Variants in INSL6 observed in about 807,000 individuals in gnomAD.
INSL6 encodes the protein insulin like 6, also known as insulin-like peptide INSL6.
INSL6 carries 16 observed loss-of-function variants against 9.4 expected under a neutral mutation model. The observed-to-expected ratio is 1.70, with a 90% CI of 1.15 to 2.59. INSL6 has a LOEUF of 2.59. INSL6 is among the 30% of genes most tolerant of loss of function. INSL6 has a pLI of 0.00. For missense variants in INSL6, 391 were observed against 257.3 expected (o/e 1.52, Z -3.56); for synonymous variants, 154 against 96.9 (o/e 1.59, Z -3.46).
At chr9:5,040,353 T>A in the INSL6 span, among the ~76,000 whole-genome samples, 1 of 151,538 alleles carries the variant, frequency 6.6e-6, no homozygotes, top group East Asian at 1.9e-4. Context: ...TTATTAAAAC[T>A]CCAAGAAGAA....
the INSL6 span, among the ~76,000 whole-genome samples, chr9:5,016,306 A>G: frequency 2.6e-5 from 4 of 152,182 alleles, no homozygotes; most frequent in East Asian, 7.7e-4. Context: ...ACCTGCTGTT[A>G]TAAGACCTGG....
chr9:5,164,210 C>T lies in INSL6; in HGVS notation c.345G>A (p.Glu115=), dbSNP rs566868714. 2.5e-6 allele frequency: 4 copies of T among 1,607,646 alleles called. No homozygotes were observed. Among genetic ancestry groups the T allele is most frequent in the Non-Finnish European group, 2.5e-6 (3 of 1,177,876 alleles). The change falls in exon 2 of 2, where the codon GAG becomes GAA. Residue 115 remains glutamate, a synonymous_variant. Transcript: ENST00000381641. ...GTGAATATCCCTTTTTATCCTTATA[C>T]TCAGGTAGTGACTGCATTTCCCAAC... ...VNSWEMQSLP[E]YKDKKGYSPL...
intron 2 of INSL6, among the ~76,000 whole-genome samples, chr9:5,155,791 G>C (rs918605825): frequency 6.6e-6 from 1 of 151,662 alleles, no homozygotes; most frequent in African/African-American, 2.4e-5. Flanking sequence ...ATAGGGGAGG[G>C]ATTGCATTAG....
chr9:5,023,369 G>A, the INSL6 span, among the ~76,000 whole-genome samples: 702 of 152,202 alleles, frequency 4.6e-3, 6 homozygotes, highest in African/African-American at 0.016. Flanking sequence ...TGGGCCCCAG[G>A]GGAGTACGCA....
chr9:5,084,923 GCAAA>G, the INSL6 span: 2 of 540,866 alleles, frequency 3.7e-6, no homozygotes, highest in South Asian at 1.6e-5. Flanking sequence ...TGCACATGAA[GCAAA>G]CAAAGTGTAT....
chr9:5,016,726 T>C, the INSL6 span, among the ~76,000 whole-genome samples: 3 of 152,128 alleles, frequency 2.0e-5, no homozygotes, highest in African/African-American at 7.2e-5. Flanking sequence ...TCCCTGTACC[T>C]CCTGCCAGTT....
the INSL6 span, chr9:5,077,637 C>A: frequency 9.0e-7 from 1 of 1,113,338 alleles, no homozygotes; most frequent in Non-Finnish European, 1.2e-6. Flanking sequence ...AAACAATATA[C>A]AAATTATCTT....
At chr9:5,026,741 G>A in the INSL6 span, among the ~76,000 whole-genome samples, 21 of 152,138 alleles carry the variant, frequency 1.4e-4, no homozygotes, top group Admixed American at 9.8e-4. Flanking sequence ...ATGTGTGAAT[G>A]TTCTATATAT....
chr9:5,036,084 A>G, the INSL6 span, among the ~76,000 whole-genome samples: 4 of 152,240 alleles, frequency 2.6e-5, no homozygotes, highest in Non-Finnish European at 5.9e-5. Context: ...TTACCCACCA[A>G]TAACAGACAA....
intron 1 of INSL6, among the ~76,000 whole-genome samples, chr9:5,171,900 C>G (rs1586875668): frequency 6.6e-6 from 1 of 152,160 alleles, no homozygotes; most frequent in South Asian, 2.1e-4. Context: ...GTGAAAATGG[C>G]CATCCTGCCC....
At chr9:5,080,380 A>T in the INSL6 span, 1 of 1,610,832 alleles carries the variant, frequency 6.2e-7, no homozygotes, top group South Asian at 1.1e-5. Context: ...ATTCTCAAAG[A>T]GTAAGTTTAT....
At chr9:5,134,604 G>A (rs935055390) in intron 2 of INSL6, among the ~76,000 whole-genome samples, 3 of 152,162 alleles carry the variant, frequency 2.0e-5, no homozygotes, top group East Asian at 3.8e-4. Flanking sequence ...CGTAATTGAA[G>A]GAGAAATAAA....
intron 2 of INSL6, among the ~76,000 whole-genome samples, chr9:5,149,008 G>C (rs1318563172): frequency 6.6e-6 from 1 of 152,232 alleles, no homozygotes; most frequent in Non-Finnish European, 1.5e-5. Flanking sequence ...CTCAGAGGGA[G>C]ACAGGCAGCC....
chr9:5,123,588 TG>T (rs776952500), downstream of INSL6, among the ~76,000 whole-genome samples: 1 of 152,050 alleles, frequency 6.6e-6, no homozygotes, highest in Non-Finnish European at 1.5e-5. Context: ...TCTTTGCTTT[TG>T]TGAAGAATGC....
At chr9:5,004,916 G>A in the INSL6 span, among the ~76,000 whole-genome samples, 1 of 140,420 alleles carries the variant, frequency 7.1e-6, no homozygotes, top group Non-Finnish European at 1.5e-5. Flanking sequence ...TTTACATATT[G>A]TCTTTTTTTT....
intron 2 of INSL6, among the ~76,000 whole-genome samples, chr9:5,158,527 G>A (rs757478656): frequency 1.3e-5 from 2 of 152,098 alleles, no homozygotes; most frequent in Admixed American, 1.3e-4. Context: ...CAACATGTCT[G>A]GTAACAGACT....
intron 2 of INSL6, among the ~76,000 whole-genome samples, chr9:5,155,067 A>C (rs1389550209): frequency 6.6e-6 from 1 of 151,802 alleles, no homozygotes; most frequent in Non-Finnish European, 1.5e-5. Flanking sequence ...AAAGACTTGG[A>C]ACCAAGCCAA....
chr9:5,070,124 C>A, the INSL6 span: 2 of 1,069,356 alleles, frequency 1.9e-6, no homozygotes, highest in Non-Finnish European at 2.7e-6. Context: ...GATTTACATT[C>A]ATGTGACATT....
the INSL6 span, chr9:5,112,876 C>A: frequency 7.0e-6 from 3 of 431,266 alleles, no homozygotes; most frequent in Non-Finnish European, 7.5e-6. Context: ...GGACGAGCCA[C>A]CCGCCCTCAG....
Sources: gnomAD v4.1 joint callset for allele counts (sites outside exome capture counted in the v4.1 genomes callset) on GRCh38, gnomAD v4.1.1 for gene constraint, MANE v1.5 for transcripts, NCBI Gene and HGNC (gene_info 2026-07-23, HGNC 2026-07-21) for gene names.